Variants in LYN observed in about 807,000 individuals in gnomAD.
LYN encodes the protein LYN proto-oncogene, Src family tyrosine kinase, also known as tyrosine-protein kinase Lyn.
Under a neutral mutation model 65.0 loss-of-function variants are expected in LYN, and 12 were observed. The observed-to-expected ratio is 0.18, with a 90% CI of 0.12 to 0.30. The LOEUF (loss-of-function observed/expected upper bound fraction) is 0.30. Among genes scored for constraint, LYN ranks in the 10% least tolerant of loss-of-function variants. The pLI is 1.00. For synonymous variants in LYN, 222 were observed against 221.2 expected, an observed-to-expected ratio of 1.00 and a Z score of -0.03; for missense variants, 380 against 623.2, an observed-to-expected ratio of 0.61 and a Z score of 4.16.
chr8:55,963,914 G>C (rs1192502223), intron 8 of LYN, among the ~76,000 whole-genome samples: 2 of 152,142 alleles, frequency 1.3e-5, no homozygotes, highest in African/African-American at 4.8e-5. Flanking sequence ...TAGAGTTAGG[G>C]CTGGGGTTAA....
chr8:55,922,991 A>C (rs1320091949), intron 1 of LYN, among the ~76,000 whole-genome samples: 1 of 152,124 alleles, frequency 6.6e-6, no homozygotes, highest in African/African-American at 2.4e-5. Flanking sequence ...TGCCTTTCCG[A>C]GCCTAGAATC....
chr8:55,985,285 G>C (rs1478386696), intron 10 of LYN, among the ~76,000 whole-genome samples: 1 of 152,158 alleles, frequency 6.6e-6, no homozygotes, highest in African/African-American at 2.4e-5. Flanking sequence ...TTCTTCCTCA[G>C]CTTCGGCCCT....
intron 12 of LYN, among the ~76,000 whole-genome samples, chr8:56,004,609 A>G (rs1445022878): frequency 1.3e-5 from 2 of 152,166 alleles, no homozygotes; most frequent in Middle Eastern, 3.4e-3. Context: ...AAGACTTCCA[A>G]TGAAAAATTC....
intron 10 of LYN, among the ~76,000 whole-genome samples, 158 bp from the exon 11 acceptor site, chr8:55,998,188 A>G (rs1808430013): frequency 6.6e-6 from 1 of 152,190 alleles, no homozygotes; most frequent in Non-Finnish European, 1.5e-5. Context: ...AAAGGGCTCA[A>G]ATGGTGATTG....
intron 9 of LYN, 77 bp downstream of exon 9, chr8:55,966,974 C>T: frequency 7.4e-7 from 1 of 1,349,748 alleles, no homozygotes; most frequent in Middle Eastern, 2.3e-4. Flanking sequence ...TCAGAGGTCA[C>T]TCAACTAGTT....
intron 1 of LYN, among the ~76,000 whole-genome samples, chr8:55,909,375 G>T (rs1476965833): frequency 1.3e-5 from 2 of 152,188 alleles, no homozygotes; most frequent in African/African-American, 4.8e-5. Context: ...GGCCCATGGA[G>T]GCTCTGTGGC....
chr8:55,940,440 A>T (rs1039917018), intron 1 of LYN: 1 of 152,272 alleles, frequency 6.6e-6, no homozygotes, highest in Middle Eastern at 3.4e-3. Flanking sequence ...CAGTGGCGCG[A>T]TCTCGGCTCA....
intron 1 of LYN, among the ~76,000 whole-genome samples, chr8:55,906,162 T>A (rs1204296957): frequency 6.6e-6 from 1 of 152,170 alleles, no homozygotes; most frequent in African/African-American, 2.4e-5. Context: ...TCTTTTGCCA[T>A]CTGTTAGAAT....
At chr8:55,951,002 G>A (rs967661825) in intron 6 of LYN, among the ~76,000 whole-genome samples, 2 of 152,102 alleles carry the variant, frequency 1.3e-5, no homozygotes, top group Non-Finnish European at 1.5e-5. Context: ...TAACACTTTG[G>A]GAGGCTGAGG....
intron 12 of LYN, among the ~76,000 whole-genome samples, chr8:56,006,269 GCAAA>G (rs111848943): frequency 0.027 from 4,125 of 152,180 alleles, 178 homozygotes; most frequent in African/African-American, 0.092. Context: ...TTGTCCTGCT[GCAAA>G]CAAACACTCA....
At chr8:55,903,674 A>T (rs1456995096) in intron 1 of LYN, among the ~76,000 whole-genome samples, 1 of 152,244 alleles carries the variant, frequency 6.6e-6, no homozygotes, top group East Asian at 1.9e-4. Context: ...TTTTGAAAGT[A>T]ACTTGTTACC....
chr8:55,884,360 C>T (rs1804730922), intron 1 of LYN, among the ~76,000 whole-genome samples: 1 of 152,162 alleles, frequency 6.6e-6, no homozygotes, highest in African/African-American at 2.4e-5. Context: ...CCGTCTCGTC[C>T]TCACAAAATG....
At chr8:55,939,264 A>G (rs970697377) in intron 1 of LYN, among the ~76,000 whole-genome samples, 23 of 152,226 alleles carry the variant, frequency 1.5e-4, no homozygotes, top group Non-Finnish European at 2.9e-5. Context: ...GTGCCTGAGC[A>G]GTGAGGCCAT....
chr8:55,892,660 G>C (rs766052833), intron 1 of LYN, among the ~76,000 whole-genome samples: 3 of 151,914 alleles, frequency 2.0e-5, no homozygotes, highest in Non-Finnish European at 4.4e-5. Flanking sequence ...CTCCCATCTC[G>C]AGATCCCAAA....
At chr8:56,008,118 C>CAAAAAAAAA (rs1554519937) in intron 12 of LYN, among the ~76,000 whole-genome samples, 26 of 64,326 alleles carry the variant, frequency 4.0e-4, no homozygotes, top group African/African-American at 5.4e-4. Context: ...GACTCTGCCT[C>CAAAAAAAAA]AAAAAAAAAA....
chr8:55,907,143 G>T (rs1239079986), intron 1 of LYN, among the ~76,000 whole-genome samples: 2 of 151,990 alleles, frequency 1.3e-5, no homozygotes, highest in African/African-American at 4.8e-5. Context: ...TTCTATATAT[G>T]GCAGCTTTAT....
intron 7 of LYN, among the ~76,000 whole-genome samples, chr8:55,953,493 T>A (rs111323958): frequency 0.025 from 3,843 of 152,054 alleles, 155 homozygotes; most frequent in African/African-American, 0.084. Flanking sequence ...CTAAAAAATA[T>A]AAAAACTAGC....
chr8:55,886,663 C>G (rs1343255735), intron 1 of LYN, among the ~76,000 whole-genome samples: 1 of 152,174 alleles, frequency 6.6e-6, no homozygotes, highest in South Asian at 2.1e-4. Context: ...TGGAACAGCC[C>G]CTCCCCTTAA....
intron 1 of LYN, among the ~76,000 whole-genome samples, chr8:55,901,732 C>G (rs923116567): frequency 2.6e-5 from 4 of 152,238 alleles, no homozygotes; most frequent in African/African-American, 9.6e-5. Flanking sequence ...CCTAGACTGA[C>G]CACTTCAGAT....
Sources: gnomAD v4.1 joint callset for allele counts (sites outside exome capture counted in the v4.1 genomes callset) on GRCh38, gnomAD v4.1.1 for gene constraint, MANE v1.5 for transcripts, NCBI Gene and HGNC (gene_info 2026-07-23, HGNC 2026-07-21) for gene names.